The following SLC9A9 variants were observed in gnomAD, a reference collection of about 807,000 sequenced individuals.
SLC9A9 encodes solute carrier family 9 member A9, also known as sodium/hydrogen exchanger 9.
SLC9A9 carries 62 observed loss-of-function variants against 77.8 expected under a neutral mutation model. That is an observed-to-expected ratio of 0.80 (90% CI 0.65 to 0.98). The LOEUF (loss-of-function observed/expected upper bound fraction) is 0.98, where lower values mean the gene tolerates loss of function less well. SLC9A9 is among the 50% of genes least tolerant of loss of function. The probability of loss-of-function intolerance (pLI) is 0.00; values close to 1 mark genes in which losing one functional copy is unlikely to be tolerated. For synonymous variants in SLC9A9, 320 were observed against 283.5 expected (o/e 1.13, Z -1.29); for missense variants, 775 against 774.9 (o/e 1.00, Z 0.00).
At chr3:143,542,866 C>T (rs1050748931) in intron 9 of SLC9A9, among the ~76,000 whole-genome samples, 2 of 152,110 alleles carry the variant, frequency 1.3e-5, no homozygotes, top group African/African-American at 2.4e-5. Context: ...TTCATATAGA[C>T]CACAATATCC....
intron 4 of SLC9A9, among the ~76,000 whole-genome samples, chr3:143,742,696 C>A (rs1393358344): frequency 6.6e-6 from 1 of 152,032 alleles, no homozygotes; most frequent in African/African-American, 2.4e-5. Flanking sequence ...CTAGGAAAGT[C>A]AAATAAACTA....
chr3:143,480,769 G>A (rs775919388), intron 11 of SLC9A9, among the ~76,000 whole-genome samples: 1 of 152,206 alleles, frequency 6.6e-6, no homozygotes, highest in Non-Finnish European at 1.5e-5. Flanking sequence ...CATAATTAAA[G>A]ACACAAATAT....
chr3:143,700,330 C>T (rs1305232731), intron 4 of SLC9A9, among the ~76,000 whole-genome samples: 1 of 152,102 alleles, frequency 6.6e-6, no homozygotes, highest in Non-Finnish European at 1.5e-5. Context: ...GGTATTTTGA[C>T]TTGCACCTCA....
intron 14 of SLC9A9, among the ~76,000 whole-genome samples, chr3:143,361,354 G>C (rs966146605): frequency 6.6e-6 from 1 of 152,172 alleles, no homozygotes; most frequent in Non-Finnish European, 1.5e-5. Context: ...GTCCAGGCCA[G>C]CAACCTGATC....
At chr3:143,613,610 T>C (rs1370160649) in intron 6 of SLC9A9, among the ~76,000 whole-genome samples, 1 of 152,172 alleles carries the variant, frequency 6.6e-6, no homozygotes, top group Non-Finnish European at 1.5e-5. Flanking sequence ...TTTTTTATAA[T>C]TGGACAGCTA....
intron 5 of SLC9A9, chr3:143,655,389 G>T: frequency 1.2e-6 from 1 of 851,514 alleles, no homozygotes; most frequent in Non-Finnish European, 1.4e-6. Flanking sequence ...ACCACAAGAG[G>T]AAAACACTCT....
At chr3:143,667,194 TGA>T (rs1560021740) in intron 5 of SLC9A9, among the ~76,000 whole-genome samples, 4 of 152,292 alleles carry the variant, frequency 2.6e-5, no homozygotes, top group African/African-American at 7.2e-5. Flanking sequence ...TACAACCATC[TGA>T]TCTTTGACAA....
At chr3:143,325,827 G>A (rs1420290068) in intron 14 of SLC9A9, among the ~76,000 whole-genome samples, 1 of 152,152 alleles carries the variant, frequency 6.6e-6, no homozygotes, top group African/African-American at 2.4e-5. Flanking sequence ...TCTGCCTCTA[G>A]GATCAGCTCA....
intron 6 of SLC9A9, among the ~76,000 whole-genome samples, chr3:143,618,117 C>T (rs1380478713): frequency 6.6e-6 from 1 of 152,096 alleles, no homozygotes; most frequent in Admixed American, 6.6e-5. Flanking sequence ...GACTGAGATA[C>T]AAGTAGGAGA....
At position 143,506,727 on chromosome 3, in the gene SLC9A9, A is replaced by T. The variant is rs543118781; in HGVS notation, c.1090-11279T>A. Among the ~76,000 whole-genome samples, 4 of 152,236 alleles carry T rather than the reference A, an allele frequency of 2.6e-5. No homozygotes were observed. In the South Asian group the frequency reaches 8.3e-4, roughly 32 times the overall value. On this transcript the variant is annotated intron_variant, in intron 9 of 15. Transcript: ENST00000316549. Reference sequence around the variant, plus strand: ...CTTATTTGAATGTAATGCTGGTTACATTCAAACAAGTGTCCTCCAAAAGAT... The same window carrying T: ...CTTATTTGAATGTAATGCTGGTTACTTTCAAACAAGTGTCCTCCAAAAGAT...
At chr3:143,475,920 C>T (rs1012141570) in intron 11 of SLC9A9, among the ~76,000 whole-genome samples, 1 of 151,770 alleles carries the variant, frequency 6.6e-6, no homozygotes, top group Admixed American at 6.6e-5. Flanking sequence ...TATTTTGCTG[C>T]CTGTCTTTCC....
At chr3:143,503,886 TG>T in intron 9 of SLC9A9, 2 of 368,434 alleles carry the variant, frequency 5.4e-6, no homozygotes, top group Non-Finnish European at 1.1e-5. Context: ...ATCATGAACA[TG>T]GGGGCATCAG....
At chr3:143,548,961 G>C (rs1405413654) in intron 9 of SLC9A9, among the ~76,000 whole-genome samples, 1 of 152,158 alleles carries the variant, frequency 6.6e-6, no homozygotes, top group Non-Finnish European at 1.5e-5. Context: ...GGATTTCCCT[G>C]AGTTTACTAA....
At chr3:143,804,934 C>T (rs151066720) in intron 2 of SLC9A9, among the ~76,000 whole-genome samples, 124 of 152,264 alleles carry the variant, frequency 8.1e-4, no homozygotes, top group African/African-American at 2.7e-3. Flanking sequence ...CCCCCAGAAC[C>T]GCTGAGGCCT....
rs765661801 is a variant in SLC9A9, at chr3:143,552,458, TA to T, written c.1001-9del. 5.0e-6 allele frequency: 8 copies of T among 1,611,716 alleles called. No homozygotes were observed. The highest frequency in any genetic ancestry group is 4.4e-5 in the South Asian group (4 of 91,018). ...AGAGAACAGCAACTATCCCTGAAAT[TA>T]AAAAAACAGATCAGTCAAAACCAAT... On this transcript the variant is annotated splice_polypyrimidine_tract_variant and intron_variant, in intron 8 of 15. Coordinates refer to ENST00000316549, the MANE Select transcript of SLC9A9 (RefSeq NM_173653.4).
intron 9 of SLC9A9, among the ~76,000 whole-genome samples, chr3:143,515,517 T>A (rs748381764): frequency 1.3e-5 from 2 of 152,216 alleles, no homozygotes; most frequent in Non-Finnish European, 2.9e-5. Flanking sequence ...CACCAGCATA[T>A]ACGATGTTTT....
At chr3:143,484,211 C>A (rs12630585) in intron 11 of SLC9A9, among the ~76,000 whole-genome samples, 1 of 152,088 alleles carries the variant, frequency 6.6e-6, no homozygotes, top group Admixed American at 6.6e-5. Context: ...AATTAAGAAA[C>A]ATTAAACTAT....
chr3:143,731,064 A>T (rs1050092605), intron 4 of SLC9A9, among the ~76,000 whole-genome samples: 2 of 152,192 alleles, frequency 1.3e-5, no homozygotes, highest in Admixed American at 1.3e-4. Flanking sequence ...CTAAAGGGCT[A>T]TCTCCTCTAG....
At chr3:143,679,898 A>G (rs1191932353) in intron 5 of SLC9A9, among the ~76,000 whole-genome samples, 2 of 152,226 alleles carry the variant, frequency 1.3e-5, no homozygotes, top group Admixed American at 6.5e-5. Context: ...AATATCAGGT[A>G]TGAAAAACAT....
Sources: allele counts gnomAD v4.1 joint callset (sites outside exome capture counted in the v4.1 genomes callset), GRCh38; gene constraint gnomAD v4.1.1; transcripts MANE v1.5; gene names NCBI Gene and HGNC (gene_info 2026-07-23, HGNC 2026-07-21).